CEP85L: variants seen among roughly 807,000 people sequenced by gnomAD.
CEP85L encodes the protein centrosomal protein 85L, also known as centrosomal protein of 85 kDa-like.
CEP85L carries 60 observed loss-of-function variants against 100.3 expected under a neutral mutation model. The observed-to-expected ratio is 0.60, with a 90% CI of 0.49 to 0.74. CEP85L has a LOEUF of 0.74. Among genes scored for constraint, CEP85L ranks in the 30% least tolerant of loss-of-function variants. CEP85L has a pLI of 0.00. For synonymous variants in CEP85L, 319 were observed against 322.7 expected (o/e 0.99, Z 0.12); for missense variants, 973 against 936.2 (o/e 1.04, Z -0.51).
intron 2 of CEP85L, among the ~76,000 whole-genome samples, chr6:118,595,155 C>A (rs1781398766): frequency 6.6e-6 from 1 of 152,190 alleles, no homozygotes; most frequent in Admixed American, 6.5e-5. Context: ...AAACTAATAT[C>A]TGTGGCAACA....
chr6:118,653,735 T>C (rs982082909), upstream of CEP85L, among the ~76,000 whole-genome samples: 16 of 145,010 alleles, frequency 1.1e-4, no homozygotes, highest in Middle Eastern at 3.5e-3. Context: ...GTAATGAAAA[T>C]AGTGACTCTG....
chr6:118,684,334 C>G (rs1357428948), intron 1 of CEP85L, among the ~76,000 whole-genome samples: 1 of 152,032 alleles, frequency 6.6e-6, no homozygotes, highest in African/African-American at 2.4e-5. Context: ...GACCCGAGCT[C>G]TACAAAAAAT....
At chr6:118,540,527 C>T (rs1379626970) in intron 3 of CEP85L, among the ~76,000 whole-genome samples, 3 of 151,982 alleles carry the variant, frequency 2.0e-5, no homozygotes, top group East Asian at 1.9e-4. Flanking sequence ...GAGGCCAAGG[C>T]GGGCACATCA....
At chr6:118,485,805 C>T (rs1238405398) in intron 6 of CEP85L, among the ~76,000 whole-genome samples, 1 of 152,232 alleles carries the variant, frequency 6.6e-6, no homozygotes, top group Non-Finnish European at 1.5e-5. Flanking sequence ...TCAACCAAGC[C>T]TGCTCTTGCC....
intron 2 of CEP85L, among the ~76,000 whole-genome samples, chr6:118,623,968 G>C (rs981502798): frequency 6.6e-6 from 1 of 152,076 alleles, no homozygotes; most frequent in African/African-American, 2.4e-5. Flanking sequence ...TGAGGTTAAG[G>C]TGGCAGGAGT....
At chr6:118,644,957 G>A (rs1775087816) in intron 1 of CEP85L, among the ~76,000 whole-genome samples, 1 of 152,218 alleles carries the variant, frequency 6.6e-6, no homozygotes, top group Non-Finnish European at 1.5e-5. Context: ...CATGGGAACA[G>A]TATCTGCCTC....
chr6:118,572,495 C>T (rs546269098), intron 2 of CEP85L, among the ~76,000 whole-genome samples: 10 of 151,606 alleles, frequency 6.6e-5, no homozygotes, highest in African/African-American at 2.4e-4. Flanking sequence ...TCACTTGAAC[C>T]CGGGAGGCAG....
intron 5 of CEP85L, among the ~76,000 whole-genome samples, chr6:118,507,984 C>T (rs1179807945): frequency 6.6e-6 from 1 of 152,178 alleles, no homozygotes; most frequent in Non-Finnish European, 1.5e-5. Flanking sequence ...TCTATTGCTA[C>T]AGCATAAATG....
At chr6:118,585,550 T>C (rs922567712) in intron 2 of CEP85L, among the ~76,000 whole-genome samples, 2 of 151,836 alleles carry the variant, frequency 1.3e-5, no homozygotes, top group Non-Finnish European at 2.9e-5. Flanking sequence ...CCCACAGAAA[T>C]AGGATGGGCC....
chr6:118,561,065 A>G (rs1445717453), intron 3 of CEP85L, among the ~76,000 whole-genome samples: 1 of 152,202 alleles, frequency 6.6e-6, no homozygotes, highest in Non-Finnish European at 1.5e-5. Context: ...AGGAGACACT[A>G]TTAAATTTTC....
At chr6:118,537,572 CAGG>C (rs1777665820) in intron 3 of CEP85L, 1 of 985,086 alleles carries the variant, frequency 1.0e-6, no homozygotes, top group Non-Finnish European at 1.2e-6. Context: ...GTAAGGATAG[CAGG>C]CATCTACAAC....
chr6:118,567,341 T>C (rs1779614767), intron 2 of CEP85L, among the ~76,000 whole-genome samples: 1 of 149,886 alleles, frequency 6.7e-6, no homozygotes, highest in South Asian at 2.1e-4. Flanking sequence ...CCTTTCTCTC[T>C]ATATTTATTA....
intron 2 of CEP85L, among the ~76,000 whole-genome samples, chr6:118,583,742 C>G (rs1780705337): frequency 6.6e-6 from 1 of 152,150 alleles, no homozygotes; most frequent in Non-Finnish European, 1.5e-5. Flanking sequence ...AGATGCAGGG[C>G]CTCCTCAAAC....
In CEP85L at chr6:118,516,793, T is replaced by C. The variant is rs541817851; in HGVS notation, c.1140-5378A>G. Among the ~76,000 whole-genome samples the C allele has an allele frequency of 8.5e-5, 13 of 152,326 alleles. No homozygotes were observed. The South Asian group carries it at 2.7e-3, about 32-fold the overall frequency. On this transcript the variant is annotated intron_variant, in intron 4 of 12. Transcript: ENST00000368491. The stretch of plus-strand genomic sequence containing the variant: ...ATTTTGGCTTCTGTTGCCACTGCTT[T>C]TGGTGTTTTAGACATGAAGCCTTTG...
In CEP85L at chr6:118,469,120, G is replaced by T. The variant is rs746370053; in HGVS notation, c.2206C>A (p.Arg736Ser). The T allele has an allele frequency of 6.2e-7, 1 of 1,613,838 alleles. No homozygotes were observed. Among genetic ancestry groups the T allele is most frequent in the African/African-American group, 1.3e-5 (1 of 75,016 alleles). ...AGATTAGGCTCCTTGCCCTGAGCACGCTGATTAAGAATACTACACAATGCT... is the reference window on the plus strand; with the variant it reads ...AGATTAGGCTCCTTGCCCTGAGCACTCTGATTAAGAATACTACACAATGCT... ...LKALCSILNQ[R>S]AQGKEPNLSL... The change falls in exon 12 of 13, where the codon CGT becomes AGT. Residue 736 changes from arginine to serine, a missense_variant. Arg to Ser is a moderately radical substitution (Grantham distance 110). Coordinates refer to ENST00000368491, the MANE Select transcript of CEP85L (RefSeq NM_001042475.3).
intron 3 of CEP85L, among the ~76,000 whole-genome samples, chr6:118,554,773 A>G (rs1778753434): frequency 1.3e-5 from 2 of 152,232 alleles, no homozygotes; most frequent in Admixed American, 1.3e-4. Context: ...TTAAGAATCA[A>G]CTGAAGCTTG....
At chr6:118,503,544 TAA>T (rs1224793013) in intron 5 of CEP85L, among the ~76,000 whole-genome samples, 1 of 152,138 alleles carries the variant, frequency 6.6e-6, no homozygotes, top group East Asian at 1.9e-4. Context: ...AGACTTATAA[TAA>T]GGCTACAGTA....
chr6:118,642,310 TAAAC>T (rs1774931802), intron 1 of CEP85L, among the ~76,000 whole-genome samples: 2 of 151,932 alleles, frequency 1.3e-5, no homozygotes, highest in African/African-American at 2.4e-5. Flanking sequence ...AAAATAAAAA[TAAAC>T]AACAGGTAGC....
At chr6:118,598,768 A>G (rs1188327083) in intron 2 of CEP85L, among the ~76,000 whole-genome samples, 1 of 152,192 alleles carries the variant, frequency 6.6e-6, no homozygotes, top group African/African-American at 2.4e-5. Context: ...AGTTTGTGGT[A>G]ATTTGTTATA....
Sources: allele counts gnomAD v4.1 joint callset (sites outside exome capture counted in the v4.1 genomes callset), GRCh38; gene constraint gnomAD v4.1.1; transcripts MANE v1.5; gene names NCBI Gene and HGNC (gene_info 2026-07-23, HGNC 2026-07-21).